Variants in PAN2 observed in about 807,000 individuals in gnomAD.
The protein encoded by PAN2 is poly(A) specific ribonuclease subunit PAN2.
PAN2 carries 68 observed loss-of-function variants against 133.3 expected under a neutral mutation model. The observed-to-expected ratio is 0.51, with a 90% CI of 0.42 to 0.62. PAN2 has a LOEUF of 0.62. Ranked by LOEUF, PAN2 falls within the 20% of genes least tolerant of loss-of-function variation. The probability of loss-of-function intolerance (pLI) is 0.00; values close to 1 mark genes in which losing one functional copy is unlikely to be tolerated. For missense variants in PAN2, 1,042 were observed against 1,500.5 expected (o/e 0.69, Z 5.05); for synonymous variants, 462 against 544.6 (o/e 0.85, Z 2.11).
At chr12:56,331,482 A>G (rs1056395428) in intron 2 of PAN2, among the ~76,000 whole-genome samples, 1 of 152,212 alleles carries the variant, frequency 6.6e-6, no homozygotes, top group Non-Finnish European at 1.5e-5. Context: ...ACTGGCGCTT[A>G]GTACCATGAA....
chr12:56,320,093 TG>T, intron 20 of PAN2, 72 bp from the exon 21 acceptor site: 1 of 1,438,104 alleles, frequency 7.0e-7, no homozygotes, highest in African/African-American at 1.4e-5. Context: ...CCAGTGTGGC[TG>T]ATCATCGACT....
At position 56,329,128 on chromosome 12, in the gene PAN2, G is replaced by A. The variant is rs548637037; in HGVS notation, c.283-487C>T. Among the ~76,000 whole-genome samples, 18 of 152,236 alleles carry A rather than the reference G, an allele frequency of 1.2e-4. 1 individual carries two copies. Among genetic ancestry groups the A allele is most frequent in the Admixed American group, 1.1e-3 (17 of 15,284 alleles). ...CCACATGGATACCAAGAAGATGATG[G>A]TAACTACTAAACCTCCTTAAACATC... On this transcript the variant is annotated intron_variant, in intron 2 of 25. Coordinates refer to ENST00000440411, the MANE Select transcript of PAN2 (RefSeq NM_014871.6).
In PAN2 at chr12:56,324,079, T is replaced by C. The variant is rs1272334136; in HGVS notation, c.2035A>G (p.Thr679Ala). ...CGSETVRASS[T>A]LLFTLSYPDD... is the part of the protein sequence containing the mutation. ...GGGTAGGAGAGTGTGAAAAGCAGAG[T>C]GGATGAGGCTCGCACGGTCTCACTG... The change falls in exon 13 of 26, where the codon ACT (threonine) becomes GCT (alanine). Residue 679 changes from threonine (T) to alanine (A), a missense_variant. Physicochemically the swap from Thr to Ala is moderately conservative, Grantham distance 58. Around this residue, in one of 3 missense-constraint regions of PAN2, gnomAD observed 908 missense variants for 1,223.5 expected, o/e 0.74. Coordinates refer to ENST00000440411, the MANE Select transcript of PAN2 (RefSeq NM_014871.6). The C allele has an allele frequency of 6.2e-7, 1 of 1,613,960 alleles. No individual in the cohort carries two copies. Among genetic ancestry groups the C allele is most frequent in the South Asian group, 1.1e-5 (1 of 91,070 alleles).
rs370464571 is a variant in PAN2 at position 56,324,452 on chromosome 12, G to A, written c.1770C>T (p.Ala590=). ...FLRAFRTIPE[A]SALGLILADS... is the part of the protein sequence containing the mutation. ...CAGCCAGGATTAGACCGAGGGCTGA[G>A]GCCTCAGGAATAGTACGGAATGCCC... The change falls in exon 12 of 26, where the codon GCC becomes GCT. Residue 590 remains alanine (A), a synonymous_variant. Transcript: ENST00000440411. The A allele has an allele frequency of 1.2e-6, 2 of 1,614,076 alleles. No homozygotes were observed. Among genetic ancestry groups the A allele is most frequent in the Non-Finnish European group, 1.7e-6 (2 of 1,180,048 alleles).
chr12:56,324,810 G>A lies in PAN2; in HGVS notation c.1600-101C>T, dbSNP rs528691431. 13 of 1,472,884 alleles carry A rather than the reference G, an allele frequency of 8.8e-6. No homozygotes were observed. In the Admixed American group the frequency reaches 9.1e-5, roughly 10 times the overall value. 91.2% of individuals were successfully genotyped at this position (1,472,884 alleles called of 1,614,324 possible). A position where few individuals can be genotyped will look rare whatever the true frequency, so the allele number is the denominator to read the frequency against. On this transcript the variant is annotated intron_variant, in intron 10 of 25. Coordinates refer to ENST00000440411, the MANE Select transcript of PAN2 (RefSeq NM_014871.6). ...GGTGGAGAAAATGTCCCAGAAGCAG[G>A]AGTCCACCGAAGCAGTGAGTCCACC... is the stretch of plus-strand genomic sequence containing the variant.
intron 20 of PAN2, among the ~76,000 whole-genome samples, chr12:56,321,804 T>C (rs1008165572): frequency 6.6e-6 from 1 of 151,344 alleles, no homozygotes; most frequent in African/African-American, 2.4e-5. Context: ...TGAGCCGAGA[T>C]TGCGCAATTG....
chr12:56,321,093 G>A (rs1874463378), intron 20 of PAN2, among the ~76,000 whole-genome samples: 1 of 149,728 alleles, frequency 6.7e-6, no homozygotes, highest in Non-Finnish European at 1.5e-5. Flanking sequence ...GTCTCATCCT[G>A]TTGCCCAGGC....
chr12:56,322,846 T>TG (rs2135964910), intron 17 of PAN2, 88 bp from the exon 18 acceptor site: 1 of 655,120 alleles, frequency 1.5e-6, no homozygotes, highest in Non-Finnish European at 2.4e-6. Context: ...GTTGGGGGTA[T>TG]GGGGGATGGG....
chr12:56,330,345 G>GTATTTA (rs1875634333), intron 2 of PAN2, among the ~76,000 whole-genome samples: 1 of 130,396 alleles, frequency 7.7e-6, no homozygotes, highest in Non-Finnish European at 1.6e-5. Context: ...TTACTCAACT[G>GTATTTA]TATTTTTCTT....
At position 56,333,118 on chromosome 12, in the gene PAN2, G is replaced by C; in HGVS notation, c.-24C>G. On this transcript the variant is annotated 5_prime_UTR_variant, in exon 2 of 26. Coordinates refer to ENST00000440411, the MANE Select transcript of PAN2 (RefSeq NM_014871.6). ...ATGATGACGATGGCAGCTTACACCT[G>C]TGTCACACCCTCCCTTACCACAGTC... 1.9e-6 allele frequency: 3 copies of C among 1,609,254 alleles called. No individual in the cohort carries two copies. The highest frequency in any genetic ancestry group is 2.5e-6 in the Non-Finnish European group (3 of 1,176,754).
At chr12:56,328,436 T>A (rs1229517745) in intron 3 of PAN2, 36 bp downstream of exon 3, 2 of 1,610,788 alleles carry the variant, frequency 1.2e-6, no homozygotes, top group Admixed American at 1.7e-5. Context: ...CTATGAGGCA[T>A]CCTCGTTCCT....
At chr12:56,332,013 G>A (rs995875860) in intron 2 of PAN2, among the ~76,000 whole-genome samples, 5 of 151,976 alleles carry the variant, frequency 3.3e-5, no homozygotes, top group African/African-American at 9.7e-5. Context: ...GGTCCCGGCC[G>A]GACAGCACAG....
At chr12:56,329,830 G>T (rs989950917) in intron 2 of PAN2, among the ~76,000 whole-genome samples, 2 of 151,372 alleles carry the variant, frequency 1.3e-5, no homozygotes, top group African/African-American at 4.9e-5. Context: ...TGTAGTCCCA[G>T]CTACTCAGGA....
intron 6 of PAN2, 124 bp from the exon 7 acceptor site, chr12:56,327,083 G>A (rs1415063342): frequency 1.4e-5 from 12 of 841,308 alleles, no homozygotes; most frequent in Non-Finnish European, 2.0e-5. Flanking sequence ...CCTAGAGACA[G>A]AATGCCACTT....
Position 56,324,854 on chromosome 12 carries a change from G to A in PAN2, c.1600-145C>T, listed in dbSNP as rs560376440. On this transcript the variant is annotated intron_variant, in intron 10 of 25. Coordinates refer to ENST00000440411, the MANE Select transcript of PAN2 (RefSeq NM_014871.6). ...GTCCACCAAACCGGTGGAGCTCAGA[G>A]GAGACTTGAAAGTTGTAGAGGCAAG... 5 of 1,360,320 alleles carry A rather than the reference G, an allele frequency of 3.7e-6. No individual in the cohort carries two copies. In the Admixed American group the frequency reaches 7.2e-5, roughly 19 times the overall value. The allele number at this position is 1,360,320 out of a possible 1,614,324, so 84.3% of individuals were successfully genotyped here. A position where few individuals can be genotyped will look rare whatever the true frequency, so the allele number is the denominator to read the frequency against.
rs1178676609 is a variant in PAN2 at position 56,319,446 on chromosome 12, A to G, written c.3132T>C (p.Gly1044=). 9.9e-6 allele frequency: 16 copies of G among 1,614,206 alleles called. No homozygotes were observed. Among genetic ancestry groups the G allele is most frequent in the Non-Finnish European group, 1.3e-5 (15 of 1,180,030 alleles). The part of the protein sequence containing the change: ...YLTQYSGIKP[G]DLDAKISSKH... ...TGGAGGAAATTTTGGCATCGAGGTC[A>G]CCAGGCTTTATACCCGAGTATTGAG... The change falls in exon 23 of 26, where the codon GGT becomes GGC. Residue 1044 remains glycine, a synonymous_variant. Coordinates refer to ENST00000440411, the MANE Select transcript of PAN2 (RefSeq NM_014871.6). This position sits in a 1 kb window ranked among gnomAD's most constrained non-coding sequence, Gnocchi z 5.4.
chr12:56,326,567 T>C, intron 7 of PAN2, 50 bp downstream of exon 7: 1 of 1,549,482 alleles, frequency 6.5e-7, no homozygotes, highest in Non-Finnish European at 8.7e-7. Flanking sequence ...TCTGGTATCT[T>C]GGCCCTTTCC....
chr12:56,326,869 T>C lies in PAN2; in HGVS notation c.1010A>G (p.Asp337Gly). The C allele has an allele frequency of 1.2e-6, 2 of 1,614,110 alleles. No homozygotes were observed. The highest frequency in any genetic ancestry group is 1.7e-6 in the Non-Finnish European group (2 of 1,180,014). Residue 337 changes from aspartate (D) to glycine (G), a missense_variant, in exon 7 of 26, where the codon GAT becomes GGT. By Grantham distance (94) the Asp-to-Gly change is moderately conservative. Around this residue, in one of 3 missense-constraint regions of PAN2, gnomAD observed 908 missense variants for 1,223.5 expected, o/e 0.74. Coordinates refer to ENST00000440411, the MANE Select transcript of PAN2 (RefSeq NM_014871.6). ...NPVGPLLMTF[D>G]VSASKQALAF... ...CAGAGCCTGCTTGCTGGCTGACACA[T>C]CAAATGTCATTAGCAGAGGCCCCAC...
intron 17 of PAN2, 72 bp downstream of exon 17, chr12:56,322,990 C>T (rs1874729777): frequency 1.9e-6 from 3 of 1,573,814 alleles, no homozygotes; most frequent in East Asian, 2.2e-5. Context: ...TTTCACCTTC[C>T]CCTGCCCTCC....
Sources: allele counts gnomAD v4.1 joint callset (sites outside exome capture counted in the v4.1 genomes callset), GRCh38; gene constraint gnomAD v4.1.1; regional missense constraint gnomAD v4.1.1; non-coding constraint Gnocchi (gnomAD v3.1); transcripts MANE v1.5; gene names NCBI Gene and HGNC (gene_info 2026-07-23, HGNC 2026-07-21).